Variants in STK24 observed in about 807,000 individuals in gnomAD.
The protein encoded by STK24 is serine/threonine kinase 24.
STK24 carries 21 observed loss-of-function variants against 55.6 expected under a neutral mutation model. The observed-to-expected ratio is 0.38, with a 90% CI of 0.27 to 0.54. The LOEUF (loss-of-function observed/expected upper bound fraction) is 0.54, where lower values mean the gene tolerates loss of function less well. Among genes scored for constraint, STK24 ranks in the 20% least tolerant of loss-of-function variants. STK24 has a pLI of 0.79. For synonymous variants in STK24, 200 were observed against 215.2 expected (o/e 0.93, Z 0.62); for missense variants, 383 against 538.4 (o/e 0.71, Z 2.86).
At chr13:98,547,754 T>C (rs1164588322) in intron 1 of STK24, among the ~76,000 whole-genome samples, 1 of 152,192 alleles carries the variant, frequency 6.6e-6, no homozygotes, top group Non-Finnish European at 1.5e-5. Context: ...AGCCATCAAT[T>C]TAGTAAACTT....
intron 1 of STK24, among the ~76,000 whole-genome samples, chr13:98,524,786 T>C (rs538923423): frequency 6.6e-6 from 1 of 152,220 alleles, no homozygotes; most frequent in African/African-American, 2.4e-5. Context: ...ACCTGCCTGT[T>C]TTCCTTTTGC....
intron 2 of STK24, among the ~76,000 whole-genome samples, chr13:98,482,772 C>T (rs1217075977): frequency 6.6e-6 from 1 of 152,176 alleles, no homozygotes; most frequent in African/African-American, 2.4e-5. Context: ...CTGAGCCTCC[C>T]CTGCGCCCCC....
intron 1 of STK24, among the ~76,000 whole-genome samples, chr13:98,571,534 A>C (rs1277281489): frequency 6.6e-6 from 1 of 152,182 alleles, no homozygotes; most frequent in Non-Finnish European, 1.5e-5. Flanking sequence ...TTCTAATTTA[A>C]AAAAACCTTG....
intron 1 of STK24, among the ~76,000 whole-genome samples, chr13:98,562,063 T>C (rs982087722): frequency 6.8e-6 from 1 of 147,002 alleles, no homozygotes; most frequent in Non-Finnish European, 1.5e-5. Context: ...AAAACAATCA[T>C]CATGAAAACC....
In STK24 at chr13:98,446,500, G is replaced by C; in HGVS notation, c.*6673C>G. ...CAGTCCTGGCGGGACTTGCCACCCGGGCCATCACGTACAGGCAAACACTGG... is the reference window on the plus strand; with the variant it reads ...CAGTCCTGGCGGGACTTGCCACCCGCGCCATCACGTACAGGCAAACACTGG... On this transcript the variant is annotated 3_prime_UTR_variant, in exon 11 of 11. Transcript: ENST00000539966. 1.5e-6 allele frequency: 1 copy of C among 684,372 alleles called. No homozygotes were observed. The highest frequency in any genetic ancestry group is 2.5e-6 in the Non-Finnish European group (1 of 404,602). 42.4% of individuals were successfully genotyped at this position (684,372 alleles called of 1,614,324 possible).
chr13:98,511,243 T>C (rs1051091976), intron 2 of STK24, among the ~76,000 whole-genome samples: 1 of 152,210 alleles, frequency 6.6e-6, no homozygotes, highest in Non-Finnish European at 1.5e-5. Context: ...ATAGTAAGCG[T>C]CTTAGGACAA....
At position 98,457,308 on chromosome 13, in the gene STK24, AAAACACACGAACAGG is replaced by A; in HGVS notation, c.1123-19_1123-5del. 2 of 1,613,988 alleles carry A rather than the reference AAAACACACGAACAGG, an allele frequency of 1.2e-6. No individual in the cohort carries two copies. Among genetic ancestry groups the A allele is most frequent in the Non-Finnish European group, 1.7e-6 (2 of 1,180,010 alleles). Reference sequence around the variant, plus strand: ...ACGCCTGGCTCTTCTCCTTCAACTGAAAACACACGAACAGGAAGAATGGCATGAAGCACACCAGCT... The same window carrying A: ...ACGCCTGGCTCTTCTCCTTCAACTGAAAGAATGGCATGAAGCACACCAGCT... On this transcript the variant is annotated splice_polypyrimidine_tract_variant and splice_region_variant and intron_variant, in intron 9 of 10. Coordinates refer to ENST00000539966, the MANE Select transcript of STK24 (RefSeq NM_001032296.4).
chr13:98,500,818 G>C (rs1387486537), intron 2 of STK24, among the ~76,000 whole-genome samples: 1 of 152,050 alleles, frequency 6.6e-6, no homozygotes, highest in Non-Finnish European at 1.5e-5. Flanking sequence ...CAGTGTAAGT[G>C]ATGTTAGTGG....
intron 1 of STK24, among the ~76,000 whole-genome samples, chr13:98,546,633 C>T (rs1349678214): frequency 1.3e-5 from 2 of 152,176 alleles, no homozygotes; most frequent in Non-Finnish European, 2.9e-5. Flanking sequence ...CTCCAAACAT[C>T]GCCCACAACA....
chr13:98,473,960 G>A (rs1235346379), intron 5 of STK24, among the ~76,000 whole-genome samples: 5 of 152,174 alleles, frequency 3.3e-5, no homozygotes, highest in South Asian at 2.1e-4. Context: ...AGCAAGGTTC[G>A]GCCTATATGC....
At chr13:98,540,024 A>G (rs1158776919) in intron 1 of STK24, among the ~76,000 whole-genome samples, 1 of 152,172 alleles carries the variant, frequency 6.6e-6, no homozygotes, top group Admixed American at 6.5e-5. Context: ...ACAACAGAAT[A>G]CGATTCTGCT....
rs192075878 is a variant in STK24, at chr13:98,575,122, A to C, written c.42+1623T>G. 1.8e-4 allele frequency among the ~76,000 whole-genome samples: 28 copies of C among 152,188 alleles called. No individual in the cohort carries two copies. The East Asian group carries it at 5.4e-3, about 29-fold the overall frequency. On this transcript the variant is annotated intron_variant, in intron 1 of 10. Coordinates refer to ENST00000539966, the MANE Select transcript of STK24 (RefSeq NM_001032296.4). ...TTTCTTGCTCGACTAGTAAGAAATT[A>C]CTTTTTTCACCCAGTTCACTCTGAC... is the stretch of plus-strand genomic sequence containing the variant.
At chr13:98,546,433 A>G (rs1816051472) in intron 1 of STK24, among the ~76,000 whole-genome samples, 1 of 152,206 alleles carries the variant, frequency 6.6e-6, no homozygotes, top group Admixed American at 6.5e-5. Flanking sequence ...TAAAAAAAAA[A>G]TGAAATCCCC....
chr13:98,501,259 C>T (rs766091335), intron 2 of STK24, among the ~76,000 whole-genome samples: 10 of 152,208 alleles, frequency 6.6e-5, no homozygotes, highest in Non-Finnish European at 1.2e-4. Context: ...GGAGGGGAAT[C>T]GCCCTGAACC....
intron 2 of STK24, among the ~76,000 whole-genome samples, chr13:98,512,206 A>T (rs1204745778): frequency 2.0e-5 from 3 of 152,286 alleles, no homozygotes; most frequent in Admixed American, 6.5e-5. Context: ...ATAAATTTTT[A>T]AAAATGTTAT....
At chr13:98,508,302 AGG>A (rs1381281545) in intron 2 of STK24, among the ~76,000 whole-genome samples, 2 of 152,214 alleles carry the variant, frequency 1.3e-5, no homozygotes, top group African/African-American at 4.8e-5. Flanking sequence ...TCCCCAACAG[AGG>A]ACGCTTCAAA....
At chr13:98,540,549 CA>C (rs894933859) in intron 1 of STK24, among the ~76,000 whole-genome samples, 1 of 151,372 alleles carries the variant, frequency 6.6e-6, no homozygotes, top group Non-Finnish European at 1.5e-5. Context: ...AAAACAAAAC[CA>C]AAAAAAGCTA....
At chr13:98,553,354 C>T (rs896091989) in intron 1 of STK24, 4 of 152,280 alleles carry the variant, frequency 2.6e-5, no homozygotes, top group Admixed American at 6.5e-5. Context: ...GGAGCTCCTC[C>T]GAGTTTTCTC....
intron 1 of STK24, among the ~76,000 whole-genome samples, chr13:98,541,806 C>T (rs530565983): frequency 3.4e-4 from 52 of 152,300 alleles, no homozygotes; most frequent in African/African-American, 1.2e-3. Flanking sequence ...TTTATCTGCA[C>T]ATCTAAACAG....
Sources: gnomAD v4.1 joint callset for allele counts (sites outside exome capture counted in the v4.1 genomes callset) on GRCh38, gnomAD v4.1.1 for gene constraint, MANE v1.5 for transcripts, NCBI Gene and HGNC (gene_info 2026-07-23, HGNC 2026-07-21) for gene names.